The following THBS4 variants were observed in gnomAD, a reference collection of about 807,000 sequenced individuals.
THBS4 encodes the protein thrombospondin 4.
THBS4 carries 90 observed loss-of-function variants against 115.7 expected under a neutral mutation model. The observed-to-expected ratio is 0.78, with a 90% CI of 0.66 to 0.93. The LOEUF (loss-of-function observed/expected upper bound fraction) is 0.93, where lower values mean the gene tolerates loss of function less well. Ranked by LOEUF, THBS4 falls within the 40% of genes least tolerant of loss-of-function variation. The pLI, the probability that THBS4 is intolerant of heterozygous loss-of-function variation, is 0.00. For missense variants in THBS4, 1,087 were observed against 1,232.7 expected (o/e 0.88, Z 1.77); for synonymous variants, 460 against 479.3 (o/e 0.96, Z 0.53).
chr5:80,040,148 G>A lies in THBS4; in HGVS notation c.160G>A (p.Ala54Thr), dbSNP rs749062616. 28 of 1,613,860 alleles carry A rather than the reference G, an allele frequency of 1.7e-5. No individual in the cohort carries two copies. The highest frequency in any genetic ancestry group is 5.0e-5 in the Admixed American group (3 of 59,972). Residue 54 changes from alanine to threonine, a missense_variant, in exon 2 of 22, where the codon GCC (alanine) becomes ACC (threonine). Transcript: ENST00000350881. ...GALLPVLTDP[A>T]LNDLYVISTF... ...TCTGCTGCCAGTCCTGACAGACCCC[G>A]CCCTGAATGATCTCTATGTGATTTC...
At chr5:80,030,488 C>T (rs1048533793), upstream of THBS4, among the ~76,000 whole-genome samples, 2 of 152,160 alleles carry the variant, frequency 1.3e-5, no homozygotes, top group African/African-American at 4.8e-5. Flanking sequence ...CTGCCTCAGC[C>T]TCCTGAGTAG....
upstream of THBS4, among the ~76,000 whole-genome samples, chr5:80,032,973 C>A (rs953781477): frequency 1.3e-5 from 2 of 152,122 alleles, no homozygotes; most frequent in African/African-American, 4.8e-5. Context: ...ATCGAAAATT[C>A]CTAGTTTTTT....
At chr5:80,014,148 C>A (rs1014682218) in intron 2 of THBS4, among the ~76,000 whole-genome samples, 11 of 152,256 alleles carry the variant, frequency 7.2e-5, no homozygotes, top group Admixed American at 3.9e-4. Flanking sequence ...GTCTTGATAC[C>A]ACCACCACCA....
At chr5:80,022,975 C>T (rs1364857714) in intron 2 of THBS4, among the ~76,000 whole-genome samples, 1 of 152,144 alleles carries the variant, frequency 6.6e-6, no homozygotes, top group Admixed American at 6.6e-5. Flanking sequence ...TTAGGATAGA[C>T]CTTTCCCCTG....
chr5:80,000,021 C>T (rs745834109), intron 2 of THBS4, among the ~76,000 whole-genome samples: 7 of 152,140 alleles, frequency 4.6e-5, no homozygotes, highest in Non-Finnish European at 7.4e-5. Flanking sequence ...CATCAAGGTG[C>T]TGAGGCAACA....
At chr5:80,060,974 G>A (rs1833612446) in intron 7 of THBS4, among the ~76,000 whole-genome samples, 1 of 152,176 alleles carries the variant, frequency 6.6e-6, no homozygotes, top group Non-Finnish European at 1.5e-5. Context: ...GGTAATGTTA[G>A]TAACACTCAG....
intron 3 of THBS4, among the ~76,000 whole-genome samples, chr5:80,057,825 A>T (rs180955817): frequency 6.6e-6 from 1 of 152,232 alleles, no homozygotes; most frequent in Non-Finnish European, 1.5e-5. Context: ...CAAGACAACC[A>T]AAAAATAATA....
At chr5:80,061,571 C>T (rs1833635507) in intron 7 of THBS4, 124 bp from the exon 8 acceptor site, 1 of 1,312,762 alleles carries the variant, frequency 7.6e-7, no homozygotes, top group African/African-American at 1.5e-5. Context: ...GCCTTTATTT[C>T]CTTTTATTAT....
chr5:80,008,577 C>A (rs1293326668), intron 2 of THBS4, among the ~76,000 whole-genome samples: 6 of 152,036 alleles, frequency 3.9e-5, no homozygotes, highest in Non-Finnish European at 8.8e-5. Context: ...TGAATAAGAT[C>A]CAAAGTACAT....
At chr5:80,012,358 A>G (rs1217201472) in intron 2 of THBS4, among the ~76,000 whole-genome samples, 1 of 152,150 alleles carries the variant, frequency 6.6e-6, no homozygotes, top group African/African-American at 2.4e-5. Context: ...ACTGGTAGTG[A>G]CACTGTATGA....
intron 2 of THBS4, among the ~76,000 whole-genome samples, chr5:80,008,135 G>C (rs1273695917): frequency 6.6e-6 from 1 of 152,192 alleles, no homozygotes; most frequent in Non-Finnish European, 1.5e-5. Flanking sequence ...CTTTAAGGCT[G>C]TGTTTATAGT....
chr5:80,054,318 C>CTTT (rs56296474), intron 2 of THBS4, among the ~76,000 whole-genome samples: 2 of 123,954 alleles, frequency 1.6e-5, no homozygotes, highest in Non-Finnish European at 3.3e-5. Flanking sequence ...CACACCTGGC[C>CTTT]TTTTTTTTTT....
intron 2 of THBS4, among the ~76,000 whole-genome samples, chr5:80,054,243 C>A (rs1833349561): frequency 6.7e-6 from 1 of 150,120 alleles, no homozygotes; most frequent in South Asian, 2.1e-4. Context: ...CAGCCTCAAT[C>A]CCCCAGGCTC....
At chr5:80,038,065 T>C (rs1832773298) in intron 1 of THBS4, among the ~76,000 whole-genome samples, 2 of 152,196 alleles carry the variant, frequency 1.3e-5, no homozygotes, top group Non-Finnish European at 2.9e-5. Flanking sequence ...TATTCTTGAG[T>C]AACTAGGTTT....
chr5:80,014,149 A>ACTT (rs1176112124), intron 2 of THBS4, among the ~76,000 whole-genome samples: 2 of 152,166 alleles, frequency 1.3e-5, no homozygotes, highest in Non-Finnish European at 2.9e-5. Flanking sequence ...TCTTGATACC[A>ACTT]CCACCACCAC....
At chr5:80,073,424 C>A in intron 15 of THBS4, 97 bp downstream of exon 15, 3 of 1,105,582 alleles carry the variant, frequency 2.7e-6, no homozygotes, top group Non-Finnish European at 4.0e-6. Context: ...CACTCTATCA[C>A]CCAGGCTGGA....
chr5:80,058,698 G>C lies in THBS4; in HGVS notation c.650-10G>C. On this transcript the variant is annotated splice_polypyrimidine_tract_variant and intron_variant, in intron 4 of 21. Transcript: ENST00000350881. ...GGCTGAAAACTCTTTGCCTTTTGCT[G>C]TTCCTACAGGGGACTTTAACCGGCA... The C allele has an allele frequency of 6.2e-7, 1 of 1,614,078 alleles. No homozygotes were observed. Among genetic ancestry groups the C allele is most frequent in the East Asian group, 2.2e-5 (1 of 44,866 alleles).
chr5:80,014,303 T>C (rs1013342836), intron 2 of THBS4, among the ~76,000 whole-genome samples: 1 of 152,202 alleles, frequency 6.6e-6, no homozygotes, highest in Non-Finnish European at 1.5e-5. Context: ...CCAACAGATA[T>C]GACCATGGTC....
upstream of THBS4, among the ~76,000 whole-genome samples, chr5:80,032,039 G>GA (rs767288837): frequency 2.2e-4 from 33 of 151,238 alleles, no homozygotes; most frequent in Non-Finnish European, 4.1e-4. Context: ...TTGGATACTG[G>GA]AAAAAAAATC....
Sources: gnomAD v4.1 joint callset for allele counts (sites outside exome capture counted in the v4.1 genomes callset) on GRCh38, gnomAD v4.1.1 for gene constraint, MANE v1.5 for transcripts, NCBI Gene and HGNC (gene_info 2026-07-23, HGNC 2026-07-21) for gene names.